SMARCA2: variants seen among roughly 807,000 people sequenced by gnomAD.
The protein encoded by SMARCA2 is SWI/SNF-related matrix-associated actin-dependent regulator of chromatin subfamily A member 2.
A neutral mutation model predicts 199.8 loss-of-function variants in SMARCA2; 61 were observed. That is an observed-to-expected ratio of 0.31 (90% CI 0.25 to 0.38). The LOEUF (loss-of-function observed/expected upper bound fraction) is 0.38, where lower values mean the gene tolerates loss of function less well. Ranked by LOEUF, SMARCA2 falls within the 10% of genes least tolerant of loss-of-function variation. The probability of loss-of-function intolerance (pLI) is 1.00; values close to 1 mark genes in which losing one functional copy is unlikely to be tolerated. For missense variants in SMARCA2, 1,344 were observed against 2,012.2 expected (o/e 0.67, Z 6.35); for synonymous variants, 935 against 732.0 (o/e 1.28, Z -4.48).
Position 2,123,435 on chromosome 9 carries a change from G to A in SMARCA2, c.3763-284G>A, listed in dbSNP as rs7866316. ...TTTTTCCACTATTACTTTAAAGAGG[G>A]AGCTTTGCATACACACAGACTAAGA... On this transcript the variant is annotated intron_variant, in intron 26 of 33. Transcript: ENST00000349721. This position sits in a 1 kb window ranked among gnomAD's most constrained non-coding sequence, Gnocchi z 4.1. Among the ~76,000 whole-genome samples the A allele has an allele frequency of 0.27, 41,414 of 151,900 alleles. 6,716 individuals carry two copies. Among genetic ancestry groups the A allele is most frequent in the East Asian group, 0.47 (2,429 of 5,166 alleles).
chr9:2,155,494 G>A (rs1825307478), intron 27 of SMARCA2, among the ~76,000 whole-genome samples: 1 of 152,052 alleles, frequency 6.6e-6, no homozygotes, highest in African/African-American at 2.4e-5. Flanking sequence ...TATTGGCCAG[G>A]CTGGTCTCGA....
At chr9:2,101,463 T>C in intron 21 of SMARCA2, 107 bp from the exon 22 acceptor site, 1 of 557,146 alleles carries the variant, frequency 1.8e-6, no homozygotes, top group Non-Finnish European at 3.1e-6. Flanking sequence ...TCATTAATTA[T>C]TTTGTTTTAA....
intron 21 of SMARCA2, among the ~76,000 whole-genome samples, chr9:2,098,732 T>C (rs1057204554): frequency 6.6e-6 from 1 of 152,106 alleles, no homozygotes; most frequent in African/African-American, 2.4e-5. Context: ...GGTCAGGAGT[T>C]CGAGACCAGC....
chr9:2,147,701 C>T (rs762653055), intron 27 of SMARCA2, among the ~76,000 whole-genome samples: 14 of 144,558 alleles, frequency 9.7e-5, no homozygotes, highest in South Asian at 2.1e-4. Flanking sequence ...CGAAAATTAG[C>T]GGGGCGTGGT....
At chr9:2,037,454 C>T (rs894380997) in intron 3 of SMARCA2, among the ~76,000 whole-genome samples, 6 of 152,188 alleles carry the variant, frequency 3.9e-5, no homozygotes, top group Non-Finnish European at 8.8e-5. Context: ...TTCTACTTCT[C>T]ATCAGTTGGT....
chr9:2,128,388 T>C (rs886626748), intron 27 of SMARCA2, among the ~76,000 whole-genome samples: 2 of 152,218 alleles, frequency 1.3e-5, no homozygotes, highest in Non-Finnish European at 1.5e-5. Context: ...TTCTCACATC[T>C]CATAAGACCC....
intron 27 of SMARCA2, among the ~76,000 whole-genome samples, chr9:2,149,556 A>G (rs183655361): frequency 7.1e-4 from 108 of 151,546 alleles, no homozygotes; most frequent in African/African-American, 2.5e-3. Flanking sequence ...TTATAAAACT[A>G]TCAAATCTTG....
chr9:2,165,858 G>T (rs1028638208), intron 28 of SMARCA2, among the ~76,000 whole-genome samples: 1 of 152,140 alleles, frequency 6.6e-6, no homozygotes, highest in Non-Finnish European at 1.5e-5. Context: ...CATTATTAAC[G>T]TTGGAAGGGA....
intron 21 of SMARCA2, among the ~76,000 whole-genome samples, chr9:2,099,807 T>C (rs772480580): frequency 1.1e-4 from 16 of 152,196 alleles, no homozygotes; most frequent in Non-Finnish European, 2.2e-4. Flanking sequence ...CTGGGGACCT[T>C]AAACTCAAGA....
At chr9:2,126,342 T>C (rs986853727) in intron 27 of SMARCA2, among the ~76,000 whole-genome samples, 2 of 152,258 alleles carry the variant, frequency 1.3e-5, no homozygotes, top group Admixed American at 6.5e-5. Flanking sequence ...GAAAACTGCA[T>C]GCCCGTATTT....
chr9:2,067,454 CATAAA>C (rs1296856242), intron 9 of SMARCA2, among the ~76,000 whole-genome samples: 3 of 152,168 alleles, frequency 2.0e-5, no homozygotes, highest in African/African-American at 7.2e-5. Flanking sequence ...TAATTATAGA[CATAAA>C]AGAATAGTCC....
intron 24 of SMARCA2, among the ~76,000 whole-genome samples, chr9:2,114,853 T>C (rs1401626113): frequency 1.3e-5 from 2 of 152,212 alleles, no homozygotes; most frequent in African/African-American, 4.8e-5. Context: ...TTGGTGTTTG[T>C]CCTCCTACCT....
At chr9:2,155,807 C>G (rs974036384) in intron 27 of SMARCA2, among the ~76,000 whole-genome samples, 7 of 118,798 alleles carry the variant, frequency 5.9e-5, no homozygotes, top group African/African-American at 2.2e-4. Flanking sequence ...ACCCACTGTA[C>G]CAGAAATTCA....
chr9:2,094,604 G>A (rs967862673), intron 19 of SMARCA2, among the ~76,000 whole-genome samples: 8 of 152,326 alleles, frequency 5.3e-5, no homozygotes, highest in East Asian at 3.9e-4. Context: ...TCGTCCTAAC[G>A]TGGAGCTTAA....
In SMARCA2 at chr9:2,170,393, C is replaced by G. The variant is rs752526438; in HGVS notation, c.4200-26C>G. ...GGACGAGAACCCAGGTCTTCTGACT[C>G]TAGTGTTCTTTCTACTCTACCGCAG... On this transcript the variant is annotated intron_variant, in intron 28 of 33. Coordinates refer to ENST00000349721, the MANE Select transcript of SMARCA2 (RefSeq NM_003070.5). The surrounding 1 kb of genome is among the most constrained non-coding windows in gnomAD (Gnocchi z 4.7). 4.3e-6 allele frequency: 7 copies of G among 1,613,894 alleles called. No individual in the cohort carries two copies. The African/African-American group carries it at 5.3e-5, about 12-fold the overall frequency.
At chr9:2,054,561 C>T (rs1218439936) in intron 5 of SMARCA2, 36 bp from the exon 6 acceptor site, 1 of 1,596,100 alleles carries the variant, frequency 6.3e-7, no homozygotes, top group Non-Finnish European at 8.6e-7. Context: ...GTGTTTTTCC[C>T]CTGCCCCCTT....
At position 2,170,684 on chromosome 9, in the gene SMARCA2, C is replaced by G. The variant is rs1369393119; in HGVS notation, c.4253+212C>G. Among the ~76,000 whole-genome samples the G allele has an allele frequency of 1.3e-5, 2 of 152,148 alleles. No individual in the cohort carries two copies. Among genetic ancestry groups the G allele is most frequent in the Non-Finnish European group, 2.9e-5 (2 of 68,030 alleles). On this transcript the variant is annotated intron_variant, in intron 29 of 33. Transcript: ENST00000349721. This position sits in a 1 kb window ranked among gnomAD's most constrained non-coding sequence, Gnocchi z 4.7. The stretch of plus-strand genomic sequence containing the variant: ...GTGCTGTATTTTAATCTGGCTGTGC[C>G]AATTCTATACATGCACTCCTTACAA...
rs540047247 is a variant in SMARCA2 at position 2,119,327 on chromosome 9, T to C, written c.3685-131T>C. On this transcript the variant is annotated intron_variant, in intron 25 of 33. Transcript: ENST00000349721. This position sits in a 1 kb window ranked among gnomAD's most constrained non-coding sequence, Gnocchi z 4.6. ...TAAAATAGTAACGTCAAGGACTAAA[T>C]CCAGCAACCCCTTCCCTTTTCTTTC... The C allele has an allele frequency of 1.1e-5, 7 of 631,272 alleles. No homozygotes were observed. The highest frequency in any genetic ancestry group is 7.4e-5 in the African/African-American group (4 of 54,120). 39.1% of individuals were successfully genotyped at this position (631,272 alleles called of 1,614,324 possible). A position where few individuals can be genotyped will look rare whatever the true frequency, so the allele number is the denominator to read the frequency against.
At chr9:2,079,475 C>A (rs1210980624) in intron 14 of SMARCA2, among the ~76,000 whole-genome samples, 9 of 152,206 alleles carry the variant, frequency 5.9e-5, no homozygotes, top group African/African-American at 1.9e-4. Flanking sequence ...CTTGATGGTG[C>A]TGAAGCACTA....
Sources: gnomAD v4.1 joint callset for allele counts (sites outside exome capture counted in the v4.1 genomes callset) on GRCh38, gnomAD v4.1.1 for gene constraint, Gnocchi (gnomAD v3.1) non-coding constraint, MANE v1.5 for transcripts, NCBI Gene and HGNC (gene_info 2026-07-23, HGNC 2026-07-21) for gene names.